Variants in FAM167A observed in about 807,000 individuals in gnomAD.
FAM167A encodes the protein protein FAM167A.
FAM167A carries 23 observed loss-of-function variants against 14.9 expected under a neutral mutation model. The ratio of observed to expected loss-of-function variants is 1.55; its 90% CI spans 1.11 to 2.19. The LOEUF is 2.19. Among genes scored for constraint, FAM167A ranks in the 30% most tolerant of loss-of-function variants. FAM167A has a pLI of 0.00. For synonymous variants in FAM167A, 174 were observed against 117.7 expected (o/e 1.48, Z -3.10); for missense variants, 401 against 281.5 (o/e 1.42, Z -3.04).
chr8:11,449,337 G>A (rs3989103), intron 1 of FAM167A, among the ~76,000 whole-genome samples: 56,644 of 152,100 alleles, frequency 0.37, 11,065 homozygotes, highest in East Asian at 0.66. Flanking sequence ...AGCTGGACCC[G>A]GCCTGAGCCG....
chr8:11,462,539 G>C (rs753989701), intron 1 of FAM167A, among the ~76,000 whole-genome samples: 4 of 152,140 alleles, frequency 2.6e-5, no homozygotes, highest in Non-Finnish European at 5.9e-5. Flanking sequence ...TAACTGAAGC[G>C]TGCAGAACAG....
At chr8:11,433,154 T>C (rs1404475664) in intron 2 of FAM167A, among the ~76,000 whole-genome samples, 1 of 151,958 alleles carries the variant, frequency 6.6e-6, no homozygotes, top group Non-Finnish European at 1.5e-5. Context: ...TGTATACCTA[T>C]GTAACAAATC....
upstream of FAM167A, among the ~76,000 whole-genome samples, chr8:11,472,452 T>G (rs1288498909): frequency 8.1e-4 from 121 of 150,016 alleles, no homozygotes; most frequent in African/African-American, 2.9e-3. Flanking sequence ...TTTTTTTTTT[T>G]TTTTTGAGAC....
rs775280270 is a variant in FAM167A, at chr8:11,424,647, G to A, written c.382-11C>T. On this transcript the variant is annotated splice_polypyrimidine_tract_variant and intron_variant, in intron 2 of 2. Transcript: ENST00000284486. ...CAGCCGCATCTCCGTCTGGAAGGGA[G>A]GGGGAGCAGGCAGGGTCAGCAGAGA... 8.1e-6 allele frequency: 13 copies of A among 1,612,006 alleles called. No homozygotes were observed. The highest frequency in any genetic ancestry group is 1.3e-5 in the African/African-American group (1 of 74,428).
chr8:11,430,180 C>G (rs1213025066), intron 2 of FAM167A, among the ~76,000 whole-genome samples: 1 of 152,224 alleles, frequency 6.6e-6, no homozygotes, highest in Non-Finnish European at 1.5e-5. Flanking sequence ...AACAAAAGCA[C>G]TTGCTGAATT....
intron 2 of FAM167A, among the ~76,000 whole-genome samples, chr8:11,434,358 G>C (rs997484556): frequency 3.3e-5 from 5 of 152,152 alleles, no homozygotes; most frequent in African/African-American, 1.2e-4. Flanking sequence ...TGGATGGGAG[G>C]GGGGCAGGTG....
At chr8:11,463,358 T>C (rs1807614650) in intron 1 of FAM167A, among the ~76,000 whole-genome samples, 2 of 152,146 alleles carry the variant, frequency 1.3e-5, no homozygotes, top group African/African-American at 4.8e-5. Context: ...CACTTTCAAC[T>C]TGATGGTGGA....
At chr8:11,462,327 C>G (rs1299791467) in intron 1 of FAM167A, among the ~76,000 whole-genome samples, 1 of 152,236 alleles carries the variant, frequency 6.6e-6, no homozygotes, top group Admixed American at 6.5e-5. Context: ...AGATTCAACC[C>G]TCCTAGGCCT....
At chr8:11,440,982 T>A (rs17153280) in intron 2 of FAM167A, among the ~76,000 whole-genome samples, 5,980 of 152,282 alleles carry the variant, frequency 0.039, 216 homozygotes, top group African/African-American at 0.087. Context: ...AACGCTGAAC[T>A]CTCAGTTTTC....
At chr8:11,472,017 G>C (rs544515901), upstream of FAM167A, among the ~76,000 whole-genome samples, 1 of 152,316 alleles carries the variant, frequency 6.6e-6, no homozygotes, top group South Asian at 2.1e-4. Context: ...TGTTATAAAG[G>C]CATATTTGTC....
intron 1 of FAM167A, among the ~76,000 whole-genome samples, chr8:11,457,977 C>T (rs1252899325): frequency 6.6e-6 from 1 of 152,182 alleles, no homozygotes; most frequent in Non-Finnish European, 1.5e-5. Context: ...AGCACAGGGC[C>T]CTGTAAACAG....
intron 2 of FAM167A, among the ~76,000 whole-genome samples, chr8:11,433,225 A>G (rs1805742157): frequency 6.6e-6 from 1 of 152,172 alleles, no homozygotes; most frequent in African/African-American, 2.4e-5. Flanking sequence ...AAAAAATAAA[A>G]AAGAACATGT....
chr8:11,450,003 G>A (rs922721067), intron 1 of FAM167A, among the ~76,000 whole-genome samples: 8 of 152,176 alleles, frequency 5.3e-5, no homozygotes, highest in Admixed American at 2.0e-4. Context: ...CTCTCACCAC[G>A]CGCTCCTGCT....
chr8:11,426,597 G>C (rs1345968355), intron 2 of FAM167A, among the ~76,000 whole-genome samples: 1 of 152,054 alleles, frequency 6.6e-6, no homozygotes, highest in East Asian at 1.9e-4. Context: ...CTGGGAGGCA[G>C]GTCTATGCCT....
chr8:11,431,501 C>G lies in FAM167A; in HGVS notation c.382-6865G>C, dbSNP rs1452270044. 2.6e-5 allele frequency among the ~76,000 whole-genome samples: 4 copies of G among 152,214 alleles called. No individual in the cohort carries two copies. The South Asian group carries it at 8.3e-4, about 32-fold the overall frequency. ...CAGCAATGTGAATATATTTAGTGAACTGTACATATAAAATGGTACATTTTA... is the reference window on the plus strand; with the variant it reads ...CAGCAATGTGAATATATTTAGTGAAGTGTACATATAAAATGGTACATTTTA... On this transcript the variant is annotated intron_variant, in intron 2 of 2. Transcript: ENST00000284486.
At chr8:11,460,202 C>G (rs1807483623) in intron 1 of FAM167A, among the ~76,000 whole-genome samples, 1 of 152,252 alleles carries the variant, frequency 6.6e-6, no homozygotes. Flanking sequence ...CCGTAGATTG[C>G]CCTAACACTC....
At chr8:11,458,006 T>C (rs1807401686) in intron 1 of FAM167A, among the ~76,000 whole-genome samples, 1 of 152,214 alleles carries the variant, frequency 6.6e-6, no homozygotes, top group South Asian at 2.1e-4. Context: ...CAGTGTGTGC[T>C]GATGACGCTG....
At chr8:11,440,085 G>A (rs982028293) in intron 2 of FAM167A, among the ~76,000 whole-genome samples, 2 of 152,148 alleles carry the variant, frequency 1.3e-5, no homozygotes, top group African/African-American at 4.8e-5. Context: ...GAAACCTGGG[G>A]GCTGTGACCT....
At chr8:11,454,314 G>C (rs1807144675) in intron 1 of FAM167A, among the ~76,000 whole-genome samples, 1 of 152,266 alleles carries the variant, frequency 6.6e-6, no homozygotes, top group Admixed American at 6.5e-5. Flanking sequence ...CTCCACATCA[G>C]AGAGACTCGT....
Sources: allele counts gnomAD v4.1 joint callset (sites outside exome capture counted in the v4.1 genomes callset), GRCh38; gene constraint gnomAD v4.1.1; transcripts MANE v1.5; gene names NCBI Gene and HGNC (gene_info 2026-07-23, HGNC 2026-07-21).